The following PRDM5 variants were observed in gnomAD, a reference collection of about 807,000 sequenced individuals.
PRDM5 encodes PR/SET domain 5.
In PRDM5, 56 loss-of-function variants were observed where a neutral mutation model predicts 81.2. That is an observed-to-expected ratio of 0.69 (90% CI 0.56 to 0.86). The LOEUF is 0.86. PRDM5 is among the 40% of genes least tolerant of loss of function. PRDM5 has a pLI of 0.00. For synonymous variants in PRDM5, 267 were observed against 256.4 expected, an observed-to-expected ratio of 1.04 and a Z score of -0.39; for missense variants, 697 against 770.1, an observed-to-expected ratio of 0.91 and a Z score of 1.12.
intron 14 of PRDM5, among the ~76,000 whole-genome samples, chr4:120,732,589 G>C (rs979752635): frequency 1.6e-4 from 16 of 102,324 alleles, no homozygotes; most frequent in African/African-American, 6.0e-4. Context: ...CAATACAACA[G>C]GTTACTTCAC....
chr4:120,863,591 T>C (rs1760882314), intron 2 of PRDM5, among the ~76,000 whole-genome samples: 1 of 151,918 alleles, frequency 6.6e-6, no homozygotes, highest in African/African-American at 2.4e-5. Flanking sequence ...ACCATACCAA[T>C]TCAACCAAAG....
chr4:120,770,054 G>A lies in PRDM5; in HGVS notation c.1537+7134C>T, dbSNP rs1037647396. The stretch of plus-strand genomic sequence containing the variant: ...TTTGTTTGTTTGTTTATTTTTTGAG[G>A]TGGAGTCTCGTTCTGTCGCCCAGGT... On this transcript the variant is annotated intron_variant, in intron 13 of 15. Coordinates refer to ENST00000264808, the MANE Select transcript of PRDM5 (RefSeq NM_018699.4). 2.6e-5 allele frequency among the ~76,000 whole-genome samples: 4 copies of A among 151,830 alleles called. No individual in the cohort carries two copies. The East Asian group carries it at 5.8e-4, about 22-fold the overall frequency.
At position 120,833,237 on chromosome 4, in the gene PRDM5, G is replaced by A. The variant is rs141196758; in HGVS notation, c.301-11892C>T. On this transcript the variant is annotated intron_variant, in intron 3 of 15. Transcript: ENST00000264808. ...AATTGGATGCCATTCTGAGCAATGT[G>A]ATGAAATCTAATGCTGCCCTGCTTC... Among the ~76,000 whole-genome samples the A allele has an allele frequency of 9.2e-5, 14 of 152,258 alleles. No homozygotes were observed. The East Asian group carries it at 1.4e-3, about 15-fold the overall frequency.
At chr4:120,756,696 T>G (rs867126669) in intron 13 of PRDM5, among the ~76,000 whole-genome samples, 1 of 152,178 alleles carries the variant, frequency 6.6e-6, no homozygotes, top group African/African-American at 2.4e-5. Context: ...CAATTCCAGA[T>G]AATTTTTTCA....
In PRDM5 at chr4:120,907,498, A is replaced by G. The variant is rs1561688189; in HGVS notation, c.153T>C (p.Asn51=). ...CCTCCCACATCAACCTGTAATCCATATTTTCATCCAAGTCTTCAGGCATTC... is the reference window on the plus strand; with the variant it reads ...CCTCCCACATCAACCTGTAATCCATGTTTTCATCCAAGTCTTCAGGCATTC... ...EKRMPEDLDE[N]MDYRLMWEVR... Residue 51 remains asparagine (N), a synonymous_variant, in exon 2 of 16, where the codon AAT becomes AAC. Transcript: ENST00000264808. 6.2e-7 allele frequency: 1 copy of G among 1,611,708 alleles called. No individual in the cohort carries two copies. Among genetic ancestry groups the G allele is most frequent in the Non-Finnish European group, 8.5e-7 (1 of 1,177,876 alleles).
At chr4:120,917,652 T>C (rs1724349365) in intron 1 of PRDM5, among the ~76,000 whole-genome samples, 1 of 142,308 alleles carries the variant, frequency 7.0e-6, no homozygotes, top group South Asian at 2.3e-4. Context: ...TTATGGCACA[T>C]CCACAGCATA....
rs964367161 is a variant in PRDM5, at chr4:120,806,480, G to A, written c.945+4890C>T. On this transcript the variant is annotated intron_variant, in intron 8 of 15. Coordinates refer to ENST00000264808, the MANE Select transcript of PRDM5 (RefSeq NM_018699.4). The stretch of plus-strand genomic sequence containing the variant: ...AAGGCTACAGTAACCAAAACAGCAT[G>A]GCACTGGTACAAAAACAGATCTATA... Among the ~76,000 whole-genome samples the A allele has an allele frequency of 5.9e-5, 9 of 152,164 alleles. 1 individual carries two copies. Among genetic ancestry groups the A allele is most frequent in the African/African-American group, 2.2e-4 (9 of 41,432 alleles).
chr4:120,922,468 A>G, intron 1 of PRDM5, 48 bp downstream of exon 1: 1 of 1,446,710 alleles, frequency 6.9e-7, no homozygotes. Flanking sequence ...CGGGAGGCAC[A>G]GGGCGCGCGA....
intron 1 of PRDM5, among the ~76,000 whole-genome samples, chr4:120,908,335 G>A (rs1766077267): frequency 6.6e-6 from 1 of 152,202 alleles, no homozygotes; most frequent in Admixed American, 6.5e-5. Context: ...GTTGAAATGT[G>A]TGCAGAGGAG....
intron 14 of PRDM5, among the ~76,000 whole-genome samples, chr4:120,739,236 T>C (rs1741548330): frequency 6.6e-6 from 1 of 152,220 alleles, no homozygotes; most frequent in Non-Finnish European, 1.5e-5. Flanking sequence ...TGCTGTATTC[T>C]ATTATCCAAG....
chr4:120,844,914 A>C (rs1407429432), intron 3 of PRDM5, among the ~76,000 whole-genome samples: 1 of 152,250 alleles, frequency 6.6e-6, no homozygotes, highest in East Asian at 1.9e-4. Flanking sequence ...ATGATAAGGA[A>C]AGTGAAACAA....
intron 1 of PRDM5, among the ~76,000 whole-genome samples, chr4:120,915,684 C>T (rs1010402657): frequency 6.6e-6 from 1 of 152,174 alleles, no homozygotes; most frequent in African/African-American, 2.4e-5. Context: ...ACAGTACAGG[C>T]TCAAGCACTT....
chr4:120,689,761 C>T (rs962220291), downstream of PRDM5, among the ~76,000 whole-genome samples: 3 of 151,938 alleles, frequency 2.0e-5, no homozygotes, highest in Admixed American at 6.6e-5. Context: ...ATTACAGGTG[C>T]GTGCCACCAC....
intron 1 of PRDM5, among the ~76,000 whole-genome samples, chr4:120,919,219 T>A (rs11931234): frequency 0.068 from 10,303 of 152,266 alleles, 396 homozygotes; most frequent in East Asian, 0.15. Context: ...AATTTAACAC[T>A]TGCCTCAATC....
chr4:120,855,862 T>C (rs1759819718), intron 2 of PRDM5, among the ~76,000 whole-genome samples: 2 of 152,236 alleles, frequency 1.3e-5, no homozygotes, highest in South Asian at 4.1e-4. Flanking sequence ...ATATCTCAGT[T>C]TGAGAGGACA....
At chr4:120,804,791 C>T (rs1051757104) in intron 8 of PRDM5, among the ~76,000 whole-genome samples, 4 of 152,074 alleles carry the variant, frequency 2.6e-5, no homozygotes, top group African/African-American at 9.7e-5. Context: ...ATTAAAAGAA[C>T]TAGAGAAGCA....
In PRDM5 at chr4:120,922,396, C is replaced by T. The variant is rs551890994; in HGVS notation, c.93+120G>A. On this transcript the variant is annotated intron_variant, in intron 1 of 15. Coordinates refer to ENST00000264808, the MANE Select transcript of PRDM5 (RefSeq NM_018699.4). Reference sequence around the variant, plus strand: ...GCCTTCCCACGGACGCCTGGCCCGGCCCGGGCGAGGGGCGACCGGGGTGAA... The same window carrying T: ...GCCTTCCCACGGACGCCTGGCCCGGTCCGGGCGAGGGGCGACCGGGGTGAA... The T allele has an allele frequency of 2.1e-5, 24 of 1,145,740 alleles. No homozygotes were observed. The South Asian group carries it at 9.8e-4, about 47-fold the overall frequency. 71.0% of individuals were successfully genotyped at this position (1,145,740 alleles called of 1,614,324 possible).
chr4:120,884,013 C>G (rs1763134464), intron 2 of PRDM5, among the ~76,000 whole-genome samples: 1 of 152,200 alleles, frequency 6.6e-6, no homozygotes, highest in Admixed American at 6.5e-5. Context: ...CTTAATAAAA[C>G]TGCTATGAAA....
chr4:120,707,331 A>C (rs945414981), intron 15 of PRDM5, among the ~76,000 whole-genome samples: 2 of 150,794 alleles, frequency 1.3e-5, no homozygotes, highest in African/African-American at 4.9e-5. Flanking sequence ...GAAAAAAAAA[A>C]CATAGTCATC....
Sources: allele counts gnomAD v4.1 joint callset (sites outside exome capture counted in the v4.1 genomes callset), GRCh38; gene constraint gnomAD v4.1.1; transcripts MANE v1.5; gene names NCBI Gene and HGNC (gene_info 2026-07-23, HGNC 2026-07-21).